Variants in SLC20A2 observed in about 807,000 individuals in gnomAD.
The protein encoded by SLC20A2 is sodium-dependent phosphate transporter 2.
SLC20A2 carries 30 observed loss-of-function variants against 61.0 expected under a neutral mutation model. The ratio of observed to expected loss-of-function variants is 0.49; its 90% CI spans 0.37 to 0.67. The LOEUF (loss-of-function observed/expected upper bound fraction) is 0.67, where lower values mean the gene tolerates loss of function less well. SLC20A2 is among the 30% of genes least tolerant of loss of function. The probability of loss-of-function intolerance (pLI) is 0.00; values close to 1 mark genes in which losing one functional copy is unlikely to be tolerated. For missense variants in SLC20A2, 626 were observed against 866.4 expected (o/e 0.72, Z 3.48); for synonymous variants, 351 against 353.3 (o/e 0.99, Z 0.07).
chr8:42,531,654 C>G (rs146806076), intron 1 of SLC20A2, among the ~76,000 whole-genome samples: 8 of 152,150 alleles, frequency 5.3e-5, no homozygotes, highest in African/African-American at 1.7e-4. Context: ...AGGGGTAAGA[C>G]CACACAATTT....
intron 8 of SLC20A2, among the ~76,000 whole-genome samples, chr8:42,435,704 C>T (rs558006847): frequency 1.2e-4 from 18 of 152,284 alleles, no homozygotes; most frequent in Non-Finnish European, 2.1e-4. Flanking sequence ...AGGATGCCTG[C>T]GACATTACCA....
chr8:42,533,461 C>T (rs184330395), intron 1 of SLC20A2, among the ~76,000 whole-genome samples: 2 of 152,012 alleles, frequency 1.3e-5, no homozygotes, highest in Non-Finnish European at 2.9e-5. Flanking sequence ...ACTAAAAATA[C>T]AAAAATTAGC....
chr8:42,522,894 G>C (rs1390288510), intron 1 of SLC20A2, among the ~76,000 whole-genome samples: 100 of 99,518 alleles, frequency 1.0e-3, no homozygotes, highest in African/African-American at 4.2e-3. Flanking sequence ...AAAAAAATCT[G>C]TAGAGATGGC....
intron 1 of SLC20A2, among the ~76,000 whole-genome samples, chr8:42,531,913 G>A (rs1010758030): frequency 6.6e-6 from 1 of 151,798 alleles, no homozygotes; most frequent in African/African-American, 2.4e-5. Context: ...CGGCCTCCCG[G>A]GTTCAAGAAA....
At chr8:42,525,150 CCCA>C (rs1811840309) in intron 1 of SLC20A2, among the ~76,000 whole-genome samples, 1 of 152,142 alleles carries the variant, frequency 6.6e-6, no homozygotes, top group Admixed American at 6.5e-5. Flanking sequence ...TGGTGCCACA[CCCA>C]CCATCATCCC....
chr8:42,531,830 TTTC>T (rs1449304284), intron 1 of SLC20A2, among the ~76,000 whole-genome samples: 4 of 151,250 alleles, frequency 2.6e-5, no homozygotes, highest in Non-Finnish European at 4.4e-5. Context: ...TTTTTTTTTT[TTTC>T]TTTTTGAGAC....
chr8:42,509,047 G>T (rs1297656325), intron 1 of SLC20A2, among the ~76,000 whole-genome samples: 1 of 152,048 alleles, frequency 6.6e-6, no homozygotes, highest in East Asian at 1.9e-4. Flanking sequence ...TGCCTCACGG[G>T]GTTATTATGA....
chr8:42,523,499 C>T (rs1337671524), intron 1 of SLC20A2, among the ~76,000 whole-genome samples: 2 of 152,104 alleles, frequency 1.3e-5, no homozygotes, highest in Non-Finnish European at 2.9e-5. Context: ...TAGTATCTCA[C>T]TTAATTTTAA....
chr8:42,527,640 T>A (rs1281706707), intron 1 of SLC20A2, among the ~76,000 whole-genome samples: 1 of 151,766 alleles, frequency 6.6e-6, no homozygotes, highest in Admixed American at 6.6e-5. Context: ...TGGTGGCGCA[T>A]GCCTGTAGTC....
At chr8:42,487,328 C>T (rs566225284) in intron 1 of SLC20A2, among the ~76,000 whole-genome samples, 28 of 151,988 alleles carry the variant, frequency 1.8e-4, no homozygotes, top group African/African-American at 3.1e-4. Flanking sequence ...CTGGCGCCCG[C>T]GACCACACCT....
chr8:42,430,009 T>C lies in SLC20A2; in HGVS notation c.1709+55A>G, dbSNP rs983955260. 10 of 1,484,944 alleles carry C rather than the reference T, an allele frequency of 6.7e-6. No homozygotes were observed. The African/African-American group carries it at 1.1e-4, about 17-fold the overall frequency. 92.0% of individuals were successfully genotyped at this position (1,484,944 alleles called of 1,614,324 possible). On this transcript the variant is annotated intron_variant, in intron 9 of 10. Transcript: ENST00000520262. Reference sequence around the variant, plus strand: ...CCGTTCAGACACAGCCGGGAAGCTCTACCCAGGCCTCGGATGACAAGACCT... The same window carrying C: ...CCGTTCAGACACAGCCGGGAAGCTCCACCCAGGCCTCGGATGACAAGACCT...
At chr8:42,431,894 T>C (rs1803896961) in intron 8 of SLC20A2, among the ~76,000 whole-genome samples, 2 of 152,200 alleles carry the variant, frequency 1.3e-5, no homozygotes, top group South Asian at 4.1e-4. Flanking sequence ...CAGAAAAAAA[T>C]ATTAATATTT....
intron 1 of SLC20A2, among the ~76,000 whole-genome samples, chr8:42,522,908 GT>G (rs1186661931): frequency 0.11 from 4,328 of 39,700 alleles, 400 homozygotes; most frequent in African/African-American, 0.19. Flanking sequence ...AGATGGCGGG[GT>G]GGGGGGGGTC....
intron 1 of SLC20A2, among the ~76,000 whole-genome samples, chr8:42,540,110 G>A (rs1314635863): frequency 6.6e-6 from 1 of 152,112 alleles, no homozygotes; most frequent in Non-Finnish European, 1.5e-5. Flanking sequence ...TAGCCAACAT[G>A]GTGAAACTCC....
chr8:42,533,654 C>CTTTTT (rs1162369065), intron 1 of SLC20A2, among the ~76,000 whole-genome samples: 693 of 55,292 alleles, frequency 0.013, 68 homozygotes, highest in African/African-American at 0.05. Context: ...ATCAACTGTT[C>CTTTTT]TTTTTTTTTT....
At chr8:42,531,511 A>G (rs1191704863) in intron 1 of SLC20A2, among the ~76,000 whole-genome samples, 2 of 152,232 alleles carry the variant, frequency 1.3e-5, no homozygotes, top group Non-Finnish European at 2.9e-5. Context: ...TATAATAATT[A>G]AATGACAGGA....
At chr8:42,494,654 T>C (rs1411300177) in intron 1 of SLC20A2, among the ~76,000 whole-genome samples, 1 of 152,254 alleles carries the variant, frequency 6.6e-6, no homozygotes, top group Non-Finnish European at 1.5e-5. Flanking sequence ...TAGTGTTCTA[T>C]GCTGTGGAAA....
intron 8 of SLC20A2, among the ~76,000 whole-genome samples, chr8:42,436,273 G>A (rs370643543): frequency 1.4e-4 from 21 of 152,040 alleles, no homozygotes; most frequent in African/African-American, 4.6e-4. Flanking sequence ...CACCCAGCCC[G>A]GCCTGTCCTG....
chr8:42,534,533 A>G (rs527418470), intron 1 of SLC20A2: 1 of 152,336 alleles, frequency 6.6e-6, no homozygotes, highest in African/African-American at 2.4e-5. Flanking sequence ...TAATGCTGGA[A>G]AGAACAGAAA....
Sources: gnomAD v4.1 joint callset for allele counts (sites outside exome capture counted in the v4.1 genomes callset) on GRCh38, gnomAD v4.1.1 for gene constraint, MANE v1.5 for transcripts, NCBI Gene and HGNC (gene_info 2026-07-23, HGNC 2026-07-21) for gene names.